Variants in SNX29 observed in about 807,000 individuals in gnomAD.
The protein encoded by SNX29 is sorting nexin-29.
In SNX29, 78 loss-of-function variants were observed where a neutral mutation model predicts 102.1. The ratio of observed to expected loss-of-function variants is 0.76; its 90% CI spans 0.64 to 0.92. The LOEUF is 0.92. Among genes scored for constraint, SNX29 ranks in the 40% least tolerant of loss-of-function variants. The pLI is 0.00. For missense variants in SNX29, 1,280 were observed against 1,061.7 expected (o/e 1.21, Z -2.86); for synonymous variants, 580 against 414.5 (o/e 1.40, Z -4.85).
intron 20 of SNX29, among the ~76,000 whole-genome samples, chr16:12,555,217 T>C (rs2078255651): frequency 6.6e-6 from 1 of 151,670 alleles, no homozygotes; most frequent in Non-Finnish European, 1.5e-5. Context: ...GGGCAGCTGC[T>C]GGGTACAGGG....
In SNX29 at chr16:12,048,472, G is replaced by T. The variant is rs775241028; in HGVS notation, c.600G>T (p.Thr200=). Residue 200 remains threonine (T), a synonymous_variant, in exon 7 of 21, where the codon ACG becomes ACT. Transcript: ENST00000566228. ...PTVSDLLKES[T]QNVTSLLKES... ...TTTCAGACCTCTTAAAGGAGTCAAC[G>T]CAGAACGTGACCTCCTTGCTGAAGG... is the stretch of plus-strand genomic sequence containing the variant. The T allele has an allele frequency of 5.1e-5, 82 of 1,613,760 alleles. No individual in the cohort carries two copies. The highest frequency in any genetic ancestry group is 6.7e-5 in the Non-Finnish European group (79 of 1,179,870).
At chr16:12,512,391 T>C in intron 19 of SNX29, among the ~76,000 whole-genome samples, 1 of 72,618 alleles carries the variant, frequency 1.4e-5, no homozygotes, top group South Asian at 4.7e-4. Flanking sequence ...TATATATATA[T>C]ATATATATAT....
At chr16:12,339,107 C>T (rs2081537765) in intron 15 of SNX29, among the ~76,000 whole-genome samples, 1 of 152,142 alleles carries the variant, frequency 6.6e-6, no homozygotes, top group Non-Finnish European at 1.5e-5. Context: ...GTGGCTCACA[C>T]CTGTAATTCC....
At chr16:12,385,924 G>T (rs958128170) in intron 16 of SNX29, among the ~76,000 whole-genome samples, 1 of 152,236 alleles carries the variant, frequency 6.6e-6, no homozygotes, top group African/African-American at 2.4e-5. Context: ...CTGCACAGTG[G>T]TGGGGGTGAG....
At chr16:12,260,592 C>G (rs1002830073) in intron 14 of SNX29, among the ~76,000 whole-genome samples, 3 of 147,906 alleles carry the variant, frequency 2.0e-5, no homozygotes, top group Admixed American at 6.8e-5. Flanking sequence ...TCCTCCTGGT[C>G]TCTTGGAGTG....
At position 12,069,044 on chromosome 16, in the gene SNX29, T is replaced by C; in HGVS notation, c.1244-13T>C. 1 of 1,612,548 alleles carries C rather than the reference T, an allele frequency of 6.2e-7. No individual in the cohort carries two copies. Among genetic ancestry groups the C allele is most frequent in the Non-Finnish European group, 8.5e-7 (1 of 1,179,044 alleles). ...AAAAGTGACCTCTTTCTGTGATTGC[T>C]CTCTCTGCACAGATGCCCCCCTCGG... On this transcript the variant is annotated splice_polypyrimidine_tract_variant and intron_variant, in intron 9 of 20. Transcript: ENST00000566228.
rs1294424448 is a variant in SNX29, at chr16:12,084,628, G to T, written c.1402+5713G>T. On this transcript the variant is annotated intron_variant, in intron 11 of 20. Transcript: ENST00000566228. ...GGAGGGCACACTCGGAAGCTCAGCT[G>T]CCTGGGCTCAGGTTCCAGCTGAGTG... Among the ~76,000 whole-genome samples, 4 of 152,182 alleles carry T rather than the reference G, an allele frequency of 2.6e-5. No homozygotes were observed. The East Asian group carries it at 7.7e-4, about 29-fold the overall frequency.
At chr16:12,537,873 T>C (rs981368838) in intron 20 of SNX29, among the ~76,000 whole-genome samples, 1 of 152,078 alleles carries the variant, frequency 6.6e-6, no homozygotes, top group African/African-American at 2.4e-5. Flanking sequence ...TAGTCCCAGC[T>C]TTTTGGGACG....
chr16:12,527,413 T>G (rs1399123642), intron 20 of SNX29: 1 of 447,660 alleles, frequency 2.2e-6, no homozygotes, highest in Non-Finnish European at 4.2e-6. Context: ...AAAGCATAAT[T>G]ATTCTTATAA....
chr16:12,382,244 T>C (rs12597608), intron 16 of SNX29, among the ~76,000 whole-genome samples: 62,096 of 152,020 alleles, frequency 0.41, 13,926 homozygotes, highest in East Asian at 0.58. Flanking sequence ...TATTTCCCTG[T>C]TTTCTAACTG....
intron 15 of SNX29, among the ~76,000 whole-genome samples, chr16:12,346,208 T>G (rs2081798551): frequency 6.6e-6 from 1 of 152,030 alleles, no homozygotes; most frequent in South Asian, 2.1e-4. Flanking sequence ...AACCTAGGTT[T>G]GGCCACAGGA....
intron 16 of SNX29, chr16:12,375,126 C>G (rs1449640900): frequency 6.6e-6 from 1 of 152,034 alleles, no homozygotes; most frequent in Non-Finnish European, 1.5e-5. Context: ...AGCAAGAATC[C>G]TGGTGGTGCT....
intron 20 of SNX29, among the ~76,000 whole-genome samples, chr16:12,562,878 T>G (rs12935722): frequency 1.3e-5 from 2 of 152,002 alleles, no homozygotes; most frequent in Admixed American, 6.5e-5. Context: ...CTTTGTCATT[T>G]CTAGTTTTGG....
At chr16:12,550,779 T>C (rs1289768212) in intron 20 of SNX29, among the ~76,000 whole-genome samples, 1 of 143,834 alleles carries the variant, frequency 7.0e-6, no homozygotes, top group African/African-American at 2.6e-5. Flanking sequence ...AGAGGCTGAA[T>C]AGCTGAGATA....
intron 19 of SNX29, among the ~76,000 whole-genome samples, chr16:12,493,552 G>A (rs550345863): frequency 6.4e-4 from 97 of 152,204 alleles, no homozygotes; most frequent in African/African-American, 2.2e-3. Context: ...GATTGCCCTG[G>A]CCAGAACTTC....
intron 3 of SNX29, among the ~76,000 whole-genome samples, chr16:12,010,416 G>C (rs1451230452): frequency 1.3e-5 from 2 of 152,168 alleles, no homozygotes; most frequent in East Asian, 3.9e-4. Flanking sequence ...GATCCCAGGA[G>C]TTCGAGACCA....
chr16:12,145,573 G>C (rs2055034075), intron 13 of SNX29, among the ~76,000 whole-genome samples: 1 of 152,100 alleles, frequency 6.6e-6, no homozygotes, highest in Non-Finnish European at 1.5e-5. Flanking sequence ...AGTTTAAAGA[G>C]GAAAATCACC....
intron 18 of SNX29, among the ~76,000 whole-genome samples, chr16:12,412,204 C>T (rs1015759245): frequency 6.6e-6 from 1 of 152,216 alleles, no homozygotes; most frequent in African/African-American, 2.4e-5. Flanking sequence ...TTAATTCTTA[C>T]AGCAACCTAT....
chr16:12,478,154 A>T (rs771865589), intron 19 of SNX29, among the ~76,000 whole-genome samples: 2 of 152,210 alleles, frequency 1.3e-5, no homozygotes, highest in Non-Finnish European at 1.5e-5. Context: ...TTACCATTTC[A>T]GTGGCAAATA....
Sources: gnomAD v4.1 joint callset for allele counts (sites outside exome capture counted in the v4.1 genomes callset) on GRCh38, gnomAD v4.1.1 for gene constraint, MANE v1.5 for transcripts, NCBI Gene and HGNC (gene_info 2026-07-23, HGNC 2026-07-21) for gene names.